CHD7: variants seen among roughly 807,000 people sequenced by gnomAD.
CHD7 encodes ATP-dependent chromatin remodeler CHD7.
A neutral mutation model predicts 307.3 loss-of-function variants in CHD7; 24 were observed. The ratio of observed to expected loss-of-function variants is 0.08; its 90% CI spans 0.06 to 0.11. The LOEUF (loss-of-function observed/expected upper bound fraction) is 0.11, where lower values mean the gene tolerates loss of function less well. Ranked by LOEUF, CHD7 falls within the 10% of genes least tolerant of loss-of-function variation. The pLI is 1.00. For synonymous variants in CHD7, 1,363 were observed against 1,349.9 expected (o/e 1.01, Z -0.21); for missense variants, 3,106 against 3,727.1 (o/e 0.83, Z 4.34).
chr8:60,679,812 G>A (rs1805494334), intron 1 of CHD7: 1 of 149,714 alleles, frequency 6.7e-6, no homozygotes, highest in Admixed American at 6.6e-5. Context: ...GGCGGGGAAA[G>A]TGCGCGGGGC....
At chr8:60,848,985 T>C in intron 24 of CHD7, 66 bp from the exon 25 acceptor site, 3 of 1,222,218 alleles carry the variant, frequency 2.5e-6, no homozygotes, top group East Asian at 4.7e-5. Flanking sequence ...ATGTGAGCTA[T>C]GTATCACATT....
Position 60,845,073 on chromosome 8 carries a change from C to T in CHD7, c.5050+10C>T. ...TTGGTCAACCATTCCGGTAGGTCTC[C>T]ACCATGCTGTTTGTGCTACAGGGTC... On this transcript the variant is annotated intron_variant, in intron 22 of 37. Coordinates refer to ENST00000423902, the MANE Select transcript of CHD7 (RefSeq NM_017780.4). 1 of 1,613,222 alleles carries T rather than the reference C, an allele frequency of 6.2e-7. No individual in the cohort carries two copies. Among genetic ancestry groups the T allele is most frequent in the East Asian group, 2.2e-5 (1 of 44,892 alleles).
intron 3 of CHD7, among the ~76,000 whole-genome samples, chr8:60,786,741 TC>T (rs1320600889): frequency 6.6e-6 from 1 of 152,202 alleles, no homozygotes; most frequent in Non-Finnish European, 1.5e-5. Flanking sequence ...GCAGAAGGAA[TC>T]ATAGGCTGAT....
intron 34 of CHD7, among the ~76,000 whole-genome samples, chr8:60,860,440 T>C (rs993359486): frequency 1.3e-5 from 2 of 152,232 alleles, no homozygotes; most frequent in African/African-American, 4.8e-5. Flanking sequence ...CTTCTTTTTA[T>C]TTTTATTTTT....
intron 25 of CHD7, 30 bp from the exon 26 acceptor site, chr8:60,850,463 G>A: frequency 6.3e-7 from 1 of 1,581,670 alleles, no homozygotes; most frequent in Non-Finnish European, 8.7e-7. Context: ...GTTTCTGTGT[G>A]TTTTCTGTGC....
chr8:60,819,971 G>T (rs1400904383), intron 8 of CHD7, 36 bp from the exon 9 acceptor site: 1 of 1,370,944 alleles, frequency 7.3e-7, no homozygotes, highest in Admixed American at 1.9e-5. Flanking sequence ...TAGGAAATAA[G>T]TAAACCTTTA....
chr8:60,696,865 A>C (rs1806505515), intron 1 of CHD7, among the ~76,000 whole-genome samples: 2 of 150,184 alleles, frequency 1.3e-5, no homozygotes, highest in South Asian at 4.2e-4. Flanking sequence ...TCTTTTCTAG[A>C]TTGCTTGGCA....
chr8:60,793,578 A>T (rs536715044), intron 3 of CHD7, among the ~76,000 whole-genome samples: 2 of 152,340 alleles, frequency 1.3e-5, no homozygotes, highest in Admixed American at 6.5e-5. Flanking sequence ...AAAAGCCTAT[A>T]GATATCTTGG....
chr8:60,728,531 T>G (rs982869162), intron 1 of CHD7, among the ~76,000 whole-genome samples: 10 of 152,204 alleles, frequency 6.6e-5, no homozygotes, highest in African/African-American at 1.7e-4. Context: ...GGCAAGGTCT[T>G]TCTTTCTTTT....
At chr8:60,766,211 G>A (rs1810462368) in intron 2 of CHD7, among the ~76,000 whole-genome samples, 1 of 152,234 alleles carries the variant, frequency 6.6e-6, no homozygotes, top group African/African-American at 2.4e-5. Flanking sequence ...GGCAGAGACA[G>A]CCTGTGCAAA....
intron 25 of CHD7, among the ~76,000 whole-genome samples, chr8:60,849,768 T>C (rs1226485234): frequency 6.6e-6 from 1 of 152,238 alleles, no homozygotes; most frequent in Non-Finnish European, 1.5e-5. Flanking sequence ...AAACCTTTCA[T>C]GATTACAGTT....
intron 1 of CHD7, among the ~76,000 whole-genome samples, chr8:60,700,770 G>A (rs1806719772): frequency 6.6e-6 from 1 of 152,202 alleles, no homozygotes; most frequent in African/African-American, 2.4e-5. Flanking sequence ...ACTCCTCACT[G>A]TACCATAGTA....
Position 60,830,458 on chromosome 8 carries a change from C to T in CHD7, c.3659C>T (p.Ala1220Val), listed in dbSNP as rs1181372363. 6.2e-7 allele frequency: 1 copy of T among 1,613,988 alleles called. No homozygotes were observed. ...AACATTCAGAAGAAATATTACCGAG[C>T]CATCCTTGAGAAGAATTTCACATTT... ...LTNIQKKYYR[A>V]ILEKNFTFLS... is the part of the protein sequence containing the mutation. The change falls in exon 15 of 38, where the codon GCC becomes GTC. Residue 1220 changes from alanine (A) to valine (V), a missense_variant. Ala to Val is a moderately conservative substitution (Grantham distance 64). Transcript: ENST00000423902.
In CHD7 at chr8:60,816,428, A is replaced by G; in HGVS notation, c.2540A>G (p.Glu847Gly). ...HCQWASIEDL[E>G]KDKRIQQKIK... ...CAGTGGGCATCTATAGAAGATCTGG[A>G]AAAAGATAAGAGAATTCAGCAAAAA... The change falls in exon 8 of 38, where the codon GAA becomes GGA. Residue 847 changes from glutamate (E) to glycine (G), a missense_variant. Around this residue, in one of 10 missense-constraint regions of CHD7, gnomAD observed 188 missense variants for 261.7 expected, o/e 0.72. Transcript: ENST00000423902. 4 of 1,609,416 alleles carry G rather than the reference A, an allele frequency of 2.5e-6. No individual in the cohort carries two copies. The highest frequency in any genetic ancestry group is 3.4e-6 in the Non-Finnish European group (4 of 1,177,396).
At chr8:60,858,865 CT>C (rs1322206069) in intron 34 of CHD7, among the ~76,000 whole-genome samples, 1 of 152,232 alleles carries the variant, frequency 6.6e-6, no homozygotes, top group African/African-American at 2.4e-5. Context: ...CCACCTCAGC[CT>C]CCTGAAGTAC....
At chr8:60,857,861 T>G (rs1254978442) in intron 34 of CHD7, among the ~76,000 whole-genome samples, 3 of 152,266 alleles carry the variant, frequency 2.0e-5, no homozygotes, top group Non-Finnish European at 4.4e-5. Context: ...AAAGACATGG[T>G]TGAGTTAAAG....
intron 23 of CHD7, among the ~76,000 whole-genome samples, chr8:60,845,890 C>T (rs1805190917): frequency 6.6e-6 from 1 of 152,164 alleles, no homozygotes; most frequent in African/African-American, 2.4e-5. Context: ...CTTGCCTGGC[C>T]CCTGGCAATC....
At chr8:60,799,125 A>T (rs1013949187) in intron 4 of CHD7, among the ~76,000 whole-genome samples, 1 of 152,254 alleles carries the variant, frequency 6.6e-6, no homozygotes, top group Non-Finnish European at 1.5e-5. Context: ...AAGTTAATAT[A>T]TCGATGAACT....
At chr8:60,763,420 C>T (rs1031169704) in intron 2 of CHD7, among the ~76,000 whole-genome samples, 4 of 151,936 alleles carry the variant, frequency 2.6e-5, no homozygotes, top group African/African-American at 9.7e-5. Context: ...TGGTAGAAGA[C>T]AGTTGAGAGG....
Sources: allele counts gnomAD v4.1 joint callset (sites outside exome capture counted in the v4.1 genomes callset), GRCh38; gene constraint gnomAD v4.1.1; regional missense constraint gnomAD v4.1.1; transcripts MANE v1.5; gene names NCBI Gene and HGNC (gene_info 2026-07-23, HGNC 2026-07-21).